The following SPON1 variants were observed in gnomAD, a reference collection of about 807,000 sequenced individuals.
SPON1 encodes the protein spondin-1.
SPON1 carries 52 observed loss-of-function variants against 111.7 expected under a neutral mutation model. That is an observed-to-expected ratio of 0.47 (90% CI 0.37 to 0.59). The LOEUF (loss-of-function observed/expected upper bound fraction) is 0.59. Ranked by LOEUF, SPON1 falls within the 20% of genes least tolerant of loss-of-function variation. SPON1 has a pLI of 0.00. For synonymous variants in SPON1, 410 were observed against 395.8 expected, an observed-to-expected ratio of 1.04 and a Z score of -0.43; for missense variants, 957 against 1,068.5, an observed-to-expected ratio of 0.90 and a Z score of 1.46.
intron 5 of SPON1, among the ~76,000 whole-genome samples, chr11:14,091,111 A>G (rs1554923284): frequency 6.7e-6 from 1 of 150,188 alleles, no homozygotes; most frequent in African/African-American, 2.5e-5. Context: ...AGGTTCTCCA[A>G]AGCCCCACCA....
chr11:14,112,109 G>GA (rs782414747), intron 5 of SPON1, among the ~76,000 whole-genome samples: 1,898 of 131,602 alleles, frequency 0.014, 27 homozygotes, highest in African/African-American at 0.045. Context: ...ATTTGCAGGG[G>GA]AAAAAAAAAA....
intron 6 of SPON1, among the ~76,000 whole-genome samples, chr11:14,165,698 G>T (rs1258398285): frequency 6.6e-6 from 1 of 152,098 alleles, no homozygotes; most frequent in African/African-American, 2.4e-5. Context: ...GCTAACAACA[G>T]TGTACTATAG....
At chr11:14,109,878 A>T (rs1849214643) in intron 5 of SPON1, among the ~76,000 whole-genome samples, 2 of 152,186 alleles carry the variant, frequency 1.3e-5, no homozygotes, top group Non-Finnish European at 2.9e-5. Context: ...GAAGGACAGC[A>T]TGTTTTCCAT....
intron 6 of SPON1, among the ~76,000 whole-genome samples, chr11:14,216,519 G>T (rs1415248304): frequency 2.0e-5 from 3 of 152,130 alleles, no homozygotes; most frequent in Non-Finnish European, 4.4e-5. Context: ...TCTGTTTTTT[G>T]TTTCTATAAC....
chr11:14,129,838 G>T (rs547036700), intron 5 of SPON1, among the ~76,000 whole-genome samples: 28 of 152,290 alleles, frequency 1.8e-4, no homozygotes, highest in Middle Eastern at 3.4e-3. Flanking sequence ...ATGGCAGAAG[G>T]TGAAGGAGAA....
intron 1 of SPON1, among the ~76,000 whole-genome samples, 159 bp downstream of exon 1, chr11:13,963,301 C>G (rs536340040): frequency 2.6e-5 from 4 of 152,140 alleles, no homozygotes; most frequent in Admixed American, 6.5e-5. Context: ...CCCTTGCAGT[C>G]GCGAGCTCGG....
At chr11:14,263,184 T>TG (rs1849210010) in intron 15 of SPON1, 1 of 559,692 alleles carries the variant, frequency 1.8e-6, no homozygotes, top group South Asian at 3.0e-5. Flanking sequence ...AGATTGGCGG[T>TG]GGGGGTCATT....
intron 6 of SPON1, among the ~76,000 whole-genome samples, chr11:14,179,761 C>T (rs1391009279): frequency 6.6e-6 from 1 of 152,046 alleles, no homozygotes; most frequent in Non-Finnish European, 1.5e-5. Flanking sequence ...GGGTATAAGT[C>T]TACTTTCCTC....
At chr11:14,023,414 G>C (rs1190818957) in intron 2 of SPON1, among the ~76,000 whole-genome samples, 1 of 151,896 alleles carries the variant, frequency 6.6e-6, no homozygotes, top group Non-Finnish European at 1.5e-5. Context: ...TCAAAGGTGA[G>C]GCTTAAATGA....
intron 7 of SPON1, among the ~76,000 whole-genome samples, chr11:14,249,358 G>A (rs4756784): frequency 0.36 from 54,221 of 152,056 alleles, 9,971 homozygotes; most frequent in Admixed American, 0.46. Flanking sequence ...GCTAAAGGAA[G>A]ATGGGCTTTG....
At chr11:14,128,474 C>G (rs1847488517) in intron 5 of SPON1, among the ~76,000 whole-genome samples, 1 of 152,210 alleles carries the variant, frequency 6.6e-6, no homozygotes, top group Non-Finnish European at 1.5e-5. Context: ...AAGAGGTGGG[C>G]TCCCGAGGCC....
chr11:14,160,905 TTATATATA>T (rs1233205768), intron 6 of SPON1, among the ~76,000 whole-genome samples: 1 of 33,758 alleles, frequency 3.0e-5, no homozygotes, highest in African/African-American at 1.2e-4. Context: ...ATTTATATAT[TTATATATA>T]TATTTATATA....
intron 2 of SPON1, among the ~76,000 whole-genome samples, chr11:14,041,226 G>A (rs537945788): frequency 2.6e-5 from 4 of 152,266 alleles, no homozygotes; most frequent in African/African-American, 9.6e-5. Context: ...GACACAGGTC[G>A]TTCTATTGAA....
intron 3 of SPON1, among the ~76,000 whole-genome samples, chr11:14,051,275 C>G (rs1848705445): frequency 6.6e-6 from 1 of 152,172 alleles, no homozygotes; most frequent in Non-Finnish European, 1.5e-5. Flanking sequence ...TGGCTCACAC[C>G]TGTAGTCCCA....
intron 2 of SPON1, among the ~76,000 whole-genome samples, chr11:14,036,329 T>G (rs920125665): frequency 1.3e-5 from 2 of 152,188 alleles, no homozygotes; most frequent in Admixed American, 6.5e-5. Flanking sequence ...AGAAATGATG[T>G]AGCTTAGTCC....
At chr11:13,970,114 T>C (rs1848051203) in intron 1 of SPON1, among the ~76,000 whole-genome samples, 1 of 152,224 alleles carries the variant, frequency 6.6e-6, no homozygotes, top group Non-Finnish European at 1.5e-5. Flanking sequence ...GCATCTATGG[T>C]GTCAGGAAGC....
At chr11:14,002,753 G>C (rs1020617132) in intron 2 of SPON1, among the ~76,000 whole-genome samples, 3 of 152,110 alleles carry the variant, frequency 2.0e-5, no homozygotes, top group Non-Finnish European at 2.9e-5. Context: ...TAGAAGATAG[G>C]GGGCACAGGC....
At chr11:14,058,817 G>A (rs1044828131) in intron 3 of SPON1, among the ~76,000 whole-genome samples, 5 of 152,148 alleles carry the variant, frequency 3.3e-5, no homozygotes, top group African/African-American at 4.8e-5. Context: ...CCATTTTACA[G>A]AGAAGAAAAT....
chr11:14,113,899 T>C (rs113880428), intron 5 of SPON1, among the ~76,000 whole-genome samples: 2,972 of 152,150 alleles, frequency 0.02, 96 homozygotes, highest in African/African-American at 0.068. Flanking sequence ...CCACCGCGCC[T>C]GGCCAAATTT....
Sources: allele counts gnomAD v4.1 joint callset (sites outside exome capture counted in the v4.1 genomes callset), GRCh38; gene constraint gnomAD v4.1.1; transcripts MANE v1.5; gene names NCBI Gene and HGNC (gene_info 2026-07-23, HGNC 2026-07-21).